Variants in LRIG1 observed in about 807,000 individuals in gnomAD.
LRIG1 encodes the protein leucine-rich repeats and immunoglobulin-like domains protein 1.
A neutral mutation model predicts 99.2 loss-of-function variants in LRIG1; 48 were observed. That is an observed-to-expected ratio of 0.48 (90% CI 0.38 to 0.62). The LOEUF is 0.62. LRIG1 is among the 20% of genes least tolerant of loss of function. The pLI, the probability that LRIG1 is intolerant of heterozygous loss-of-function variation, is 0.00. For missense variants in LRIG1, 1,646 were observed against 1,434.4 expected, an observed-to-expected ratio of 1.15 and a Z score of -2.38; for synonymous variants, 772 against 596.1, an observed-to-expected ratio of 1.29 and a Z score of -4.30.
chr3:66,463,905 G>A (rs1267138225), intron 1 of LRIG1, among the ~76,000 whole-genome samples: 1 of 152,180 alleles, frequency 6.6e-6, no homozygotes, highest in South Asian at 2.1e-4. Flanking sequence ...TGGCACTTCT[G>A]TATTCATGGG....
At chr3:66,460,644 G>A (rs888684674) in intron 2 of LRIG1, among the ~76,000 whole-genome samples, 4 of 152,182 alleles carry the variant, frequency 2.6e-5, no homozygotes, top group Non-Finnish European at 5.9e-5. Flanking sequence ...CCTTGATCTT[G>A]GACTTCCTGC....
At chr3:66,415,176 G>A (rs928470509) in intron 4 of LRIG1, 113 bp from the exon 5 acceptor site, 41 of 1,071,384 alleles carry the variant, frequency 3.8e-5, no homozygotes, top group Non-Finnish European at 5.2e-5. Flanking sequence ...AGACACCAGA[G>A]GGACAGGTTT....
At chr3:66,427,630 A>G (rs1001711971) in intron 3 of LRIG1, among the ~76,000 whole-genome samples, 1 of 152,218 alleles carries the variant, frequency 6.6e-6, no homozygotes, top group African/African-American at 2.4e-5. Flanking sequence ...TGAGACCCTC[A>G]TCTCTTAAAA....
At chr3:66,405,620 C>G in intron 8 of LRIG1, 1 of 739,612 alleles carries the variant, frequency 1.4e-6, no homozygotes, top group Non-Finnish European at 1.9e-6. Flanking sequence ...AGAATCAACC[C>G]AAAAGGTTCC....
At chr3:66,499,236 A>C (rs9847774) in intron 1 of LRIG1, among the ~76,000 whole-genome samples, 31 of 152,242 alleles carry the variant, frequency 2.0e-4, no homozygotes, top group African/African-American at 7.2e-4. Flanking sequence ...TTTCCTGTCA[A>C]ATCTCCTGTA....
At chr3:66,446,026 CCTCT>C (rs949074258) in intron 3 of LRIG1, among the ~76,000 whole-genome samples, 5 of 152,216 alleles carry the variant, frequency 3.3e-5, no homozygotes, top group African/African-American at 7.2e-5. Flanking sequence ...ATCACAGCTG[CCTCT>C]CTCTAAGGCT....
chr3:66,401,922 C>G (rs1250401388), intron 9 of LRIG1, among the ~76,000 whole-genome samples: 2 of 152,152 alleles, frequency 1.3e-5, no homozygotes, highest in East Asian at 1.9e-4. Context: ...GGGGGCAATG[C>G]TCACATGGGT....
At chr3:66,466,007 A>G (rs1700464865) in intron 1 of LRIG1, among the ~76,000 whole-genome samples, 1 of 152,108 alleles carries the variant, frequency 6.6e-6, no homozygotes, top group South Asian at 2.1e-4. Context: ...TGTCTTCAAG[A>G]TTCATCCATG....
At chr3:66,431,254 A>G (rs1266506023) in intron 3 of LRIG1, among the ~76,000 whole-genome samples, 2 of 152,226 alleles carry the variant, frequency 1.3e-5, no homozygotes, top group East Asian at 1.9e-4. Flanking sequence ...AGGAGGTAAG[A>G]AAACCAGGAC....
intron 2 of LRIG1, among the ~76,000 whole-genome samples, chr3:66,454,502 C>A (rs1026648164): frequency 6.6e-6 from 1 of 152,168 alleles, no homozygotes; most frequent in Non-Finnish European, 1.5e-5. Context: ...TCACCCCCTA[C>A]CCGCCAATTT....
intron 6 of LRIG1, among the ~76,000 whole-genome samples, 200 bp from the exon 7 acceptor site, chr3:66,410,472 C>T (rs765134518): frequency 2.0e-5 from 3 of 152,328 alleles, no homozygotes; most frequent in South Asian, 2.1e-4. Flanking sequence ...AAATGGATGA[C>T]AGCACATGCC....
At chr3:66,486,847 A>G (rs1436274010) in intron 1 of LRIG1, among the ~76,000 whole-genome samples, 1 of 152,202 alleles carries the variant, frequency 6.6e-6, no homozygotes, top group Non-Finnish European at 1.5e-5. Flanking sequence ...ATTTAAAAAG[A>G]ATGCCATTTC....
At chr3:66,382,863 C>G (rs901153289) in intron 15 of LRIG1, 119 bp downstream of exon 15, 1 of 875,942 alleles carries the variant, frequency 1.1e-6, no homozygotes, top group Non-Finnish European at 1.7e-6. Context: ...TGGGACTAAA[C>G]CCTCAGGAGT....
chr3:66,446,966 G>T (rs1435565695), intron 3 of LRIG1, among the ~76,000 whole-genome samples: 13 of 151,832 alleles, frequency 8.6e-5, no homozygotes, highest in Non-Finnish European at 1.8e-4. Context: ...GGGTTGGGGG[G>T]TGATGAAAAT....
chr3:66,392,017 TCC>T (rs1701640017), intron 12 of LRIG1, among the ~76,000 whole-genome samples: 1 of 152,210 alleles, frequency 6.6e-6, no homozygotes, highest in Non-Finnish European at 1.5e-5. Context: ...TCCACAGATT[TCC>T]CCATTCTGGA....
chr3:66,467,331 A>G (rs1156772657), intron 1 of LRIG1, among the ~76,000 whole-genome samples: 1 of 151,812 alleles, frequency 6.6e-6, no homozygotes, highest in African/African-American at 2.4e-5. Context: ...TAAAATTAAG[A>G]ATTCAGTTCC....
At chr3:66,402,336 C>T (rs2107992824) in intron 9 of LRIG1, among the ~76,000 whole-genome samples, 1 of 152,322 alleles carries the variant, frequency 6.6e-6, no homozygotes, top group South Asian at 2.1e-4. Context: ...GAATCCCAGA[C>T]CAGTTAGGAA....
chr3:66,447,565 G>C (rs1045780303), intron 3 of LRIG1, among the ~76,000 whole-genome samples: 1 of 152,138 alleles, frequency 6.6e-6, no homozygotes, highest in Non-Finnish European at 1.5e-5. Flanking sequence ...CAGGCTGTGG[G>C]AGAGCAAATG....
intron 2 of LRIG1, among the ~76,000 whole-genome samples, chr3:66,459,399 A>G (rs1700305997): frequency 1.3e-5 from 2 of 152,146 alleles, no homozygotes; most frequent in Non-Finnish European, 2.9e-5. Flanking sequence ...GAAACCATAA[A>G]AGGACCTGGC....
Sources: allele counts gnomAD v4.1 joint callset (sites outside exome capture counted in the v4.1 genomes callset), GRCh38; gene constraint gnomAD v4.1.1; transcripts MANE v1.5; gene names NCBI Gene and HGNC (gene_info 2026-07-23, HGNC 2026-07-21).